ADH4: variants seen among roughly 807,000 people sequenced by gnomAD.
The protein encoded by ADH4 is all-trans-retinol dehydrogenase [NAD(+)] ADH4.
ADH4 carries 31 observed loss-of-function variants against 35.2 expected under a neutral mutation model. The observed-to-expected ratio is 0.88, with a 90% CI of 0.66 to 1.19. The LOEUF is 1.19. Among genes scored for constraint, ADH4 ranks in the 50% most tolerant of loss-of-function variants. ADH4 has a pLI of 0.00. For missense variants in ADH4, 476 were observed against 458.3 expected (o/e 1.04, Z -0.35); for synonymous variants, 171 against 160.2 (o/e 1.07, Z -0.51).
intron 1 of ADH4, chr4:99,143,276 A>T (rs1390791982): frequency 2.9e-6 from 2 of 700,564 alleles, no homozygotes; most frequent in Non-Finnish European, 5.2e-6. Flanking sequence ...TAGAGATGAA[A>T]GCCCTGCCTC....
rs764200531 is a variant in ADH4, at chr4:99,127,290, C to T, written c.898G>A (p.Val300Ile). Residue 300 changes from valine (V) to isoleucine (I), a missense_variant, in exon 7 of 9, where the codon GTA (valine) becomes ATA (isoleucine). Coordinates refer to ENST00000265512, the MANE Select transcript of ADH4 (RefSeq NM_000670.5). ...AGWGSCTFIGVAAGSKGLTIF... is the reference protein window; with the variant it reads ...AGWGSCTFIGIAAGSKGLTIF... Reference sequence around the variant, plus strand: ...GTCAATCCTTTGCTACCAGCAGCTACTCCAATGAAAGTACATGATCCCCAG... The same window carrying T: ...GTCAATCCTTTGCTACCAGCAGCTATTCCAATGAAAGTACATGATCCCCAG... 7 of 1,612,590 alleles carry T rather than the reference C, an allele frequency of 4.3e-6. No individual in the cohort carries two copies. In the South Asian group the frequency reaches 7.7e-5, roughly 18 times the overall value.
chr4:99,136,952 A>G (rs1172707770), intron 4 of ADH4, among the ~76,000 whole-genome samples: 1 of 142,056 alleles, frequency 7.0e-6, no homozygotes, highest in African/African-American at 2.5e-5. Flanking sequence ...TGCAGGGAAC[A>G]ATTTTTTTTT....
chr4:99,141,038 C>T (rs564802751), intron 3 of ADH4, among the ~76,000 whole-genome samples: 1 of 152,298 alleles, frequency 6.6e-6, no homozygotes, highest in African/African-American at 2.4e-5. Flanking sequence ...TCTCCTCCCT[C>T]CATCCTTCAT....
intron 2 of ADH4, 55 bp from the exon 3 acceptor site, chr4:99,141,737 G>C: frequency 6.5e-7 from 1 of 1,540,506 alleles, no homozygotes; most frequent in East Asian, 2.3e-5. Flanking sequence ...TATTGGGCTG[G>C]ATGTTACATA....
intron 3 of ADH4, among the ~76,000 whole-genome samples, chr4:99,140,442 C>T (rs1261408173): frequency 6.6e-6 from 1 of 151,998 alleles, no homozygotes; most frequent in Non-Finnish European, 1.5e-5. Flanking sequence ...GATGTGATGG[C>T]TCATGCCTGT....
chr4:99,134,604 TA>T (rs1560778317), intron 5 of ADH4, among the ~76,000 whole-genome samples: 2 of 151,652 alleles, frequency 1.3e-5, no homozygotes, highest in East Asian at 3.9e-4. Flanking sequence ...CAGCAGAAAA[TA>T]GGCTTTGACT....
At chr4:99,142,605 A>G (rs760496055) in intron 2 of ADH4, 74 bp downstream of exon 2, 18 of 893,028 alleles carry the variant, frequency 2.0e-5, no homozygotes, top group Non-Finnish European at 2.7e-5. Context: ...CATAGCACAG[A>G]GGATTGACCT....
intron 6 of ADH4, among the ~76,000 whole-genome samples, chr4:99,128,695 C>G (rs1156375725): frequency 6.6e-6 from 1 of 152,018 alleles, no homozygotes; most frequent in East Asian, 1.9e-4. Flanking sequence ...ATGATTTCAT[C>G]TATAAAATGC....
Position 99,127,292 on chromosome 4 carries a change from C to A in ADH4, c.896G>T (p.Gly299Val), listed in dbSNP as rs938001268. ...TAGWGSCTFIGVAAGSKGLTI... is the reference protein window; with the variant it reads ...TAGWGSCTFIVVAAGSKGLTI... ...CAATCCTTTGCTACCAGCAGCTACT[C>A]CAATGAAAGTACATGATCCCCAGCC... Residue 299 changes from glycine (G) to valine (V), a missense_variant, in exon 7 of 9, where the codon GGA becomes GTA. Gly to Val is a moderately radical substitution (Grantham distance 109). Coordinates refer to ENST00000265512, the MANE Select transcript of ADH4 (RefSeq NM_000670.5). 8.7e-6 allele frequency: 14 copies of A among 1,612,562 alleles called. No homozygotes were observed. Among genetic ancestry groups the A allele is most frequent in the Middle Eastern group, 1.7e-4 (1 of 6,056 alleles).
intron 4 of ADH4, among the ~76,000 whole-genome samples, chr4:99,137,272 C>T (rs1716332116): frequency 2.0e-5 from 3 of 152,052 alleles, no homozygotes; most frequent in Admixed American, 1.3e-4. Flanking sequence ...GGACTACAGG[C>T]ACGCACCACC....
rs1729279492 is a variant in ADH4 at position 99,131,709 on chromosome 4, G to A, written c.638C>T (p.Ala213Val). 6.2e-7 allele frequency: 1 copy of A among 1,614,014 alleles called. No individual in the cohort carries two copies. Among genetic ancestry groups the A allele is most frequent in the Non-Finnish European group, 8.5e-7 (1 of 1,180,014 alleles). The change falls in exon 6 of 9, where the codon GCT (alanine) becomes GTT (valine). Residue 213 changes from alanine (A) to valine (V), a missense_variant. Coordinates refer to ENST00000265512, the MANE Select transcript of ADH4 (RefSeq NM_000670.5). ...TCCTGCTGCTTTACAACCCATTACAGCAGAAAGACCCACACCTCCTAGGCC... is the reference window on the plus strand; with the variant it reads ...TCCTGCTGCTTTACAACCCATTACAACAGAAAGACCCACACCTCCTAGGCC... ...VFGLGGVGLSAVMGCKAAGAS... is the reference protein window; with the variant it reads ...VFGLGGVGLSVVMGCKAAGAS...
At chr4:99,141,474 G>A (rs1470089823) in intron 3 of ADH4, 67 bp downstream of exon 3, 2 of 1,479,586 alleles carry the variant, frequency 1.4e-6, no homozygotes, top group Non-Finnish European at 1.8e-6. Context: ...TGCCAAGCCA[G>A]GACTCTATCA....
chr4:99,126,044 A>G (rs544578357), intron 8 of ADH4, among the ~76,000 whole-genome samples: 6 of 152,296 alleles, frequency 3.9e-5, no homozygotes, highest in Non-Finnish European at 7.4e-5. Context: ...ATTTCTATGC[A>G]TCAGTTCCTG....
chr4:99,126,982 C>T (rs1417576409), intron 7 of ADH4, among the ~76,000 whole-genome samples: 1 of 151,714 alleles, frequency 6.6e-6, no homozygotes, highest in African/African-American at 2.4e-5. Flanking sequence ...TTTGTTCCTC[C>T]ATGTTGGTTC....
At chr4:99,132,284 T>C (rs1387663919) in intron 5 of ADH4, among the ~76,000 whole-genome samples, 1 of 152,328 alleles carries the variant, frequency 6.6e-6, no homozygotes. Context: ...ATATTCCCAG[T>C]ACAAGAACTG....
intron 3 of ADH4, among the ~76,000 whole-genome samples, chr4:99,141,236 G>A (rs562710360): frequency 2.0e-5 from 3 of 152,250 alleles, no homozygotes; most frequent in South Asian, 4.1e-4. Context: ...CTTTTATAAG[G>A]TGTCATTTGT....
At position 99,142,838 on chromosome 4, in the gene ADH4, G is replaced by C. The variant is rs1348543617; in HGVS notation, c.19-58C>G. On this transcript the variant is annotated intron_variant, in intron 1 of 8. Transcript: ENST00000265512. ...AGAGATAGAGATTTTGACAGGGTTG[G>C]GGGTAGGAGAGAGGAGATCATGAGA... 15 of 1,321,642 alleles carry C rather than the reference G, an allele frequency of 1.1e-5. 1 individual carries two copies. In the Admixed American group the frequency reaches 3.5e-4, roughly 31 times the overall value. 81.9% of individuals were successfully genotyped at this position (1,321,642 alleles called of 1,614,324 possible).
chr4:99,127,403 T>G, intron 6 of ADH4, 59 bp from the exon 7 acceptor site: 4 of 1,422,302 alleles, frequency 2.8e-6, no homozygotes, highest in Non-Finnish European at 2.9e-6. Flanking sequence ...TGAACTCCAG[T>G]GTGGCAATGT....
rs769297720 is a variant in ADH4 at position 99,141,510 on chromosome 4, A to T, written c.262+31T>A. On this transcript the variant is annotated intron_variant, in intron 3 of 8. Coordinates refer to ENST00000265512, the MANE Select transcript of ADH4 (RefSeq NM_000670.5). ...ATAATTATCTCTGAAATATTGTGAC[A>T]TTTCCATTTTTTCTGAATAAAATAA... 1.9e-6 allele frequency: 3 copies of T among 1,591,554 alleles called. No homozygotes were observed. The Admixed American group carries it at 5.2e-5, about 28-fold the overall frequency.
Sources: allele counts gnomAD v4.1 joint callset (sites outside exome capture counted in the v4.1 genomes callset), GRCh38; gene constraint gnomAD v4.1.1; transcripts MANE v1.5; gene names NCBI Gene and HGNC (gene_info 2026-07-23, HGNC 2026-07-21).